MINDY4: variants seen among roughly 807,000 people sequenced by gnomAD.
The protein encoded by MINDY4 is probable ubiquitin carboxyl-terminal hydrolase MINDY-4.
Under a neutral mutation model 87.0 loss-of-function variants are expected in MINDY4, and 68 were observed. The observed-to-expected ratio is 0.78, with a 90% CI of 0.64 to 0.96. The LOEUF is 0.96. MINDY4 is among the 40% of genes least tolerant of loss of function. The pLI, the probability that MINDY4 is intolerant of heterozygous loss-of-function variation, is 0.00. For synonymous variants in MINDY4, 379 were observed against 363.2 expected, an observed-to-expected ratio of 1.04 and a Z score of -0.50; for missense variants, 919 against 928.2, an observed-to-expected ratio of 0.99 and a Z score of 0.13.
intron 5 of MINDY4, among the ~76,000 whole-genome samples, chr7:30,808,007 C>T (rs1291425354): frequency 6.6e-6 from 1 of 152,186 alleles, no homozygotes; most frequent in East Asian, 1.9e-4. Flanking sequence ...TCTTGGTTCC[C>T]TGACTGGGAA....
intron 5 of MINDY4, among the ~76,000 whole-genome samples, chr7:30,820,112 G>A (rs994659458): frequency 2.1e-4 from 31 of 151,182 alleles, no homozygotes; most frequent in African/African-American, 6.1e-4. Context: ...CGTTTTAGCC[G>A]GGATGGTCTT....
Position 30,843,620 on chromosome 7 carries a change from G to A in MINDY4, c.1445+2772G>A, listed in dbSNP as rs570483166. On this transcript the variant is annotated intron_variant, in intron 9 of 17. Transcript: ENST00000265299. Reference sequence around the variant, plus strand: ...CCCACCCCCAGGCCACATCCATGGGGTGGAAGCCCACTGCTGTCCACACCA... The same window carrying A: ...CCCACCCCCAGGCCACATCCATGGGATGGAAGCCCACTGCTGTCCACACCA... 2.8e-4 allele frequency among the ~76,000 whole-genome samples: 42 copies of A among 152,318 alleles called. 1 individual carries two copies. The highest frequency in any genetic ancestry group is 1.3e-4 in the Non-Finnish European group (9 of 68,010).
At chr7:30,884,385 G>A (rs1206300625) in intron 17 of MINDY4, among the ~76,000 whole-genome samples, 4 of 152,172 alleles carry the variant, frequency 2.6e-5, no homozygotes, top group Non-Finnish European at 4.4e-5. Flanking sequence ...TTCTTTCGTC[G>A]GGAGGATTAA....
intron 2 of MINDY4, chr7:30,780,788 T>C (rs1210130099): frequency 6.6e-6 from 1 of 152,196 alleles, no homozygotes; most frequent in African/African-American, 2.4e-5. Context: ...GCATAAGGGA[T>C]AGTCAGGCAA....
chr7:30,806,336 C>T (rs1787804038), intron 5 of MINDY4, among the ~76,000 whole-genome samples: 1 of 152,092 alleles, frequency 6.6e-6, no homozygotes, highest in South Asian at 2.1e-4. Flanking sequence ...AGGGCAAAGG[C>T]AAAAACTTTT....
chr7:30,830,023 C>T (rs1198326212), intron 6 of MINDY4, among the ~76,000 whole-genome samples: 6 of 151,830 alleles, frequency 4.0e-5, no homozygotes, highest in Admixed American at 1.3e-4. Flanking sequence ...CCATGGAACC[C>T]AGTCACGGAG....
At chr7:30,874,753 G>A (rs993389076) in intron 14 of MINDY4, among the ~76,000 whole-genome samples, 10 of 152,210 alleles carry the variant, frequency 6.6e-5, no homozygotes, top group South Asian at 4.2e-4. Flanking sequence ...TACCTTCCTC[G>A]GCTTTCCCTG....
At chr7:30,879,911 ACACCTGCTTTTT>A (rs1177602721) in intron 15 of MINDY4, among the ~76,000 whole-genome samples, 4 of 151,480 alleles carry the variant, frequency 2.6e-5, no homozygotes, top group African/African-American at 9.8e-5. Flanking sequence ...AGACTTTGAC[ACACCTGCTTTTT>A]CTTACTTAGT....
chr7:30,826,358 G>A (rs1788504246), intron 5 of MINDY4, among the ~76,000 whole-genome samples: 1 of 152,200 alleles, frequency 6.6e-6, no homozygotes, highest in Non-Finnish European at 1.5e-5. Context: ...CCTCACATGT[G>A]TGCTGGGTGA....
intron 13 of MINDY4, among the ~76,000 whole-genome samples, chr7:30,868,234 C>T (rs1789999198): frequency 1.3e-5 from 2 of 152,156 alleles, no homozygotes; most frequent in Non-Finnish European, 2.9e-5. Flanking sequence ...AGCTGGCTGA[C>T]CTGGCTGATC....
At chr7:30,832,036 G>A (rs1448083203) in intron 6 of MINDY4, among the ~76,000 whole-genome samples, 6 of 152,140 alleles carry the variant, frequency 3.9e-5, no homozygotes, top group Non-Finnish European at 7.4e-5. Flanking sequence ...GTCTGGGCCC[G>A]AGGCCTGCTA....
At chr7:30,805,409 C>T (rs960097520) in intron 5 of MINDY4, among the ~76,000 whole-genome samples, 4 of 152,126 alleles carry the variant, frequency 2.6e-5, no homozygotes, top group African/African-American at 9.7e-5. Flanking sequence ...GGGGCAGAAA[C>T]GCAGATCCCA....
In MINDY4 at chr7:30,791,245, C is replaced by T. The variant is rs369880517; in HGVS notation, c.744C>T (p.Val248=). ...STQPQEESRK[V]PELFVCTQQD... ...AACCCCAAGAAGAGAGCCGGAAGGTCCCTGAGCTCTTTGTCTGCACCCAAC... is the reference window on the plus strand; with the variant it reads ...AACCCCAAGAAGAGAGCCGGAAGGTTCCTGAGCTCTTTGTCTGCACCCAAC... The change falls in exon 5 of 18, where the codon GTC becomes GTT. Residue 248 remains valine, a synonymous_variant. Transcript: ENST00000265299. 32 of 1,614,010 alleles carry T rather than the reference C, an allele frequency of 2.0e-5. No homozygotes were observed. The highest frequency in any genetic ancestry group is 1.6e-4 in the Middle Eastern group (1 of 6,084).
intron 2 of MINDY4, chr7:30,780,332 T>C (rs1462743276): frequency 2.0e-5 from 3 of 152,240 alleles, no homozygotes; most frequent in Non-Finnish European, 4.4e-5. Context: ...TTAACCATTC[T>C]GGTTACATTG....
chr7:30,775,340 G>A (rs28698243), intron 1 of MINDY4, among the ~76,000 whole-genome samples: 218 of 152,236 alleles, frequency 1.4e-3, no homozygotes, highest in African/African-American at 5.0e-3. Context: ...CACAGAACTC[G>A]GAGAAACACT....
At chr7:30,796,114 C>G (rs1422849123) in intron 5 of MINDY4, among the ~76,000 whole-genome samples, 1 of 109,752 alleles carries the variant, frequency 9.1e-6, no homozygotes. Flanking sequence ...TTTGTTGGAG[C>G]ACTGTACTTT....
chr7:30,890,715 CTT>C (rs1193585413), intron 17 of MINDY4, among the ~76,000 whole-genome samples: 1 of 152,046 alleles, frequency 6.6e-6, no homozygotes, highest in African/African-American at 2.4e-5. Flanking sequence ...AAAGCACTGA[CTT>C]GAAGAAAGAC....
intron 5 of MINDY4, chr7:30,803,255 G>GT (rs1787710864): frequency 6.6e-6 from 1 of 152,236 alleles, no homozygotes. Context: ...AGCTGCCTGA[G>GT]TATAGGGGTG....
At chr7:30,888,509 G>T (rs1303202305) in intron 17 of MINDY4, among the ~76,000 whole-genome samples, 1 of 152,198 alleles carries the variant, frequency 6.6e-6, no homozygotes, top group Non-Finnish European at 1.5e-5. Context: ...AACTTTGATT[G>T]TGTCTCTTCT....
Sources: gnomAD v4.1 joint callset for allele counts (sites outside exome capture counted in the v4.1 genomes callset) on GRCh38, gnomAD v4.1.1 for gene constraint, MANE v1.5 for transcripts, NCBI Gene and HGNC (gene_info 2026-07-23, HGNC 2026-07-21) for gene names.